The following MICAL2 variants were observed in gnomAD, a reference collection of about 807,000 sequenced individuals.
The protein encoded by MICAL2 is microtubule associated monooxygenase, calponin and LIM domain containing 2, also known as [F-actin]-monooxygenase MICAL2.
A neutral mutation model predicts 127.3 loss-of-function variants in MICAL2; 77 were observed. That is an observed-to-expected ratio of 0.60 (90% CI 0.50 to 0.73). The LOEUF (loss-of-function observed/expected upper bound fraction) is 0.73, where lower values mean the gene tolerates loss of function less well. Among genes scored for constraint, MICAL2 ranks in the 30% least tolerant of loss-of-function variants. The pLI, the probability that MICAL2 is intolerant of heterozygous loss-of-function variation, is 0.00. For missense variants in MICAL2, 1,351 were observed against 1,434.4 expected (o/e 0.94, Z 0.94); for synonymous variants, 570 against 551.1 (o/e 1.03, Z -0.48).
chr11:12,262,674 T>C, intron 27 of MICAL2, 137 bp downstream of exon 27: 1 of 766,348 alleles, frequency 1.3e-6, no homozygotes, highest in Non-Finnish European at 2.2e-6. Context: ...TTTGGTGGCA[T>C]GGTTGGCTAA....
intron 3 of MICAL2, among the ~76,000 whole-genome samples, chr11:12,179,636 G>C (rs1857208068): frequency 6.6e-6 from 1 of 152,178 alleles, no homozygotes; most frequent in Admixed American, 6.5e-5. Flanking sequence ...TTGTGCCTTT[G>C]CAATCGTGTT....
chr11:12,292,102 A>ATAAC, downstream of MICAL2: 1 of 1,584,644 alleles, frequency 6.3e-7, no homozygotes, highest in East Asian at 2.2e-5. Context: ...TGATAAAATA[A>ATAAC]TAACACCTTT....
At position 12,162,273 on chromosome 11, in the gene MICAL2, G is replaced by C. The variant is rs775201278; in HGVS notation, c.118G>C (p.Asp40His). Residue 40 changes from aspartate to histidine, a missense_variant, in exon 3 of 28, where the codon GAC becomes CAC. Coordinates refer to ENST00000683283, the MANE Select transcript of MICAL2 (RefSeq NM_001282663.2). ...CTTCAACATTCTCACACGACACCTG[G>C]ACCTAGACCCTCTGGACCACAGAAA... ...QAFNILTRHLDLDPLDHRNFY... is the reference protein window; with the variant it reads ...QAFNILTRHLHLDPLDHRNFY... 12 of 1,614,090 alleles carry C rather than the reference G, an allele frequency of 7.4e-6. No individual in the cohort carries two copies. The highest frequency in any genetic ancestry group is 3.3e-4 in the Middle Eastern group (2 of 6,084).
exon 34 of MICAL2, chr11:12,354,816 G>A: frequency 6.2e-7 from 1 of 1,614,070 alleles, no homozygotes; most frequent in Admixed American, 1.7e-5. Context: ...GATCATCAAA[G>A]CAGACTGGAG....
chr11:12,224,777 T>C lies in MICAL2; in HGVS notation c.1645T>C (p.Leu549=), dbSNP rs1857219734. 6.2e-7 allele frequency: 1 copy of C among 1,614,008 alleles called. No individual in the cohort carries two copies. The highest frequency in any genetic ancestry group is 1.3e-5 in the African/African-American group (1 of 74,942). The change falls in exon 13 of 28, where the codon TTG becomes CTG. Residue 549 remains leucine (L), a synonymous_variant. Coordinates refer to ENST00000683283, the MANE Select transcript of MICAL2 (RefSeq NM_001282663.2). Reference sequence around the variant, plus strand: ...CCTGACCACATCCTGGCGCAGTGGGTTGGCCCTGTGTGCCATCATCCACCG... The same window carrying C: ...CCTGACCACATCCTGGCGCAGTGGGCTGGCCCTGTGTGCCATCATCCACCG... ...TDLTTSWRSG[L]ALCAIIHRFR... is the part of the protein sequence containing the mutation.
chr11:12,121,249 T>C (rs1257928351), intron 1 of MICAL2, among the ~76,000 whole-genome samples: 1 of 152,192 alleles, frequency 6.6e-6, no homozygotes, highest in South Asian at 2.1e-4. Flanking sequence ...GATCTTCTCC[T>C]GACTCAAGGT....
At chr11:12,339,835 G>GT (rs1170577858) in intron 32 of MICAL2, among the ~76,000 whole-genome samples, 1 of 152,160 alleles carries the variant, frequency 6.6e-6, no homozygotes, top group Non-Finnish European at 1.5e-5. Flanking sequence ...ACCCAGCCTT[G>GT]TGAGGTGTCA....
chr11:12,199,070 G>A (rs1307019271), intron 3 of MICAL2, among the ~76,000 whole-genome samples: 1 of 152,136 alleles, frequency 6.6e-6, no homozygotes, highest in Non-Finnish European at 1.5e-5. Context: ...TAGACCAATA[G>A]TACCTGGGTT....
chr11:12,236,314 A>C, intron 16 of MICAL2, 69 bp downstream of exon 16: 29 of 1,399,672 alleles, frequency 2.1e-5, no homozygotes, highest in African/African-American at 5.7e-5. Context: ...AGGCAGCCTC[A>C]CTGTGGTAGC....
chr11:12,251,000 G>A (rs1214785430), intron 22 of MICAL2, among the ~76,000 whole-genome samples: 1 of 152,156 alleles, frequency 6.6e-6, no homozygotes, highest in Admixed American at 6.5e-5. Flanking sequence ...GAGAACCTGA[G>A]CAGTGCTACT....
intron 1 of MICAL2, among the ~76,000 whole-genome samples, chr11:12,280,437 G>C (rs1056729599): frequency 1.3e-5 from 2 of 152,202 alleles, no homozygotes; most frequent in Non-Finnish European, 2.9e-5. Context: ...TGAAACAACA[G>C]AAACGTATTT....
At chr11:12,228,430 C>T (rs1857767916) in intron 15 of MICAL2, among the ~76,000 whole-genome samples, 1 of 152,216 alleles carries the variant, frequency 6.6e-6, no homozygotes, top group African/African-American at 2.4e-5. Context: ...CCCATGCTTC[C>T]TTCACACTAA....
chr11:12,299,553 C>G (rs1864022635), intron 29 of MICAL2, among the ~76,000 whole-genome samples: 1 of 152,190 alleles, frequency 6.6e-6, no homozygotes, highest in African/African-American at 2.4e-5. Flanking sequence ...GAGGCATAAA[C>G]TAATTTCAGG....
intron 31 of MICAL2, chr11:12,324,178 G>A: frequency 7.5e-7 from 1 of 1,327,592 alleles, no homozygotes; most frequent in Non-Finnish European, 1.0e-6. Flanking sequence ...AAGCAGGCTG[G>A]AGAAAGGTCA....
chr11:12,173,737 TTTTG>T (rs1856536636), intron 3 of MICAL2, among the ~76,000 whole-genome samples: 1 of 152,148 alleles, frequency 6.6e-6, no homozygotes, highest in Non-Finnish European at 1.5e-5. Context: ...CCTCTCATCT[TTTTG>T]TTTGTGTAAA....
chr11:12,191,463 CTA>C (rs769028652), intron 3 of MICAL2, among the ~76,000 whole-genome samples: 2 of 101,988 alleles, frequency 2.0e-5, no homozygotes, highest in Admixed American at 1.1e-4. Context: ...CAGAGCAAGA[CTA>C]TGTCTCAAAA....
rs1271355504 is a variant in MICAL2, at chr11:12,262,502, A to G, written c.3357A>G (p.Leu1119=). ...SPPVHFSLPV[L]HPLLG ...CAGTTCATTTCAGCCTTCCAGTGCT[A>G]CACCCACTTCTTGGCTGACACACTT... The change falls in exon 27 of 28, where the codon CTA becomes CTG. Residue 1119 remains leucine (L), a synonymous_variant. Transcript: ENST00000683283. The G allele has an allele frequency of 1.2e-6, 2 of 1,613,774 alleles. No homozygotes were observed. Among genetic ancestry groups the G allele is most frequent in the East Asian group, 4.5e-5 (2 of 44,862 alleles).
downstream of MICAL2, among the ~76,000 whole-genome samples, chr11:12,360,428 A>G (rs1054846973): frequency 6.6e-6 from 1 of 152,198 alleles, no homozygotes; most frequent in African/African-American, 2.4e-5. Context: ...TCAGGCATTT[A>G]GAGGTAAGAT....
At chr11:12,280,344 C>G (rs77908915) in intron 1 of MICAL2, among the ~76,000 whole-genome samples, 7,543 of 152,274 alleles carry the variant, frequency 0.05, 647 homozygotes, top group African/African-American at 0.17. Flanking sequence ...GCTCCTCATG[C>G]ATTGCTGGGC....
Sources: allele counts gnomAD v4.1 joint callset (sites outside exome capture counted in the v4.1 genomes callset), GRCh38; gene constraint gnomAD v4.1.1; transcripts MANE v1.5; gene names NCBI Gene and HGNC (gene_info 2026-07-23, HGNC 2026-07-21).